The following CNTN5 variants were observed in gnomAD, a reference collection of about 807,000 sequenced individuals.
The protein encoded by CNTN5 is contactin-5.
In CNTN5, 77 loss-of-function variants were observed where a neutral mutation model predicts 129.1. That is an observed-to-expected ratio of 0.60 (90% CI 0.50 to 0.72). CNTN5 has a LOEUF of 0.72. Among genes scored for constraint, CNTN5 ranks in the 30% least tolerant of loss-of-function variants. The pLI is 0.00. For synonymous variants in CNTN5, 509 were observed against 465.6 expected, an observed-to-expected ratio of 1.09 and a Z score of -1.20; for missense variants, 1,478 against 1,328.8, an observed-to-expected ratio of 1.11 and a Z score of -1.75.
chr11:99,599,977 C>G (rs1950263745), intron 3 of CNTN5, among the ~76,000 whole-genome samples: 1 of 152,028 alleles, frequency 6.6e-6, no homozygotes, highest in South Asian at 2.1e-4. Flanking sequence ...AAAACCTTTC[C>G]TGATGACGGC....
intron 9 of CNTN5, among the ~76,000 whole-genome samples, chr11:100,049,453 G>T (rs1942848676): frequency 6.6e-6 from 1 of 152,022 alleles, no homozygotes; most frequent in African/African-American, 2.4e-5. Context: ...GAGGAAAAAA[G>T]ATATGAAAAC....
At chr11:99,841,334 C>T (rs1024936150) in intron 4 of CNTN5, among the ~76,000 whole-genome samples, 4 of 152,056 alleles carry the variant, frequency 2.6e-5, no homozygotes, top group African/African-American at 9.7e-5. Flanking sequence ...CCCAGCCGGA[C>T]CATATTTTAT....
intron 1 of CNTN5, among the ~76,000 whole-genome samples, chr11:99,223,589 G>T (rs564070852): frequency 1.3e-5 from 2 of 152,070 alleles, no homozygotes; most frequent in African/African-American, 4.8e-5. Flanking sequence ...AAAAGTTAAC[G>T]TTATCTTAAG....
intron 3 of CNTN5, among the ~76,000 whole-genome samples, chr11:99,739,359 T>C (rs1943818624): frequency 6.6e-6 from 1 of 152,272 alleles, no homozygotes; most frequent in East Asian, 1.9e-4. Flanking sequence ...ATCTAGCTTT[T>C]ACTTTAAAGA....
intron 2 of CNTN5, among the ~76,000 whole-genome samples, chr11:99,452,939 C>T (rs1591083684): frequency 6.6e-6 from 1 of 152,154 alleles, no homozygotes; most frequent in Non-Finnish European, 1.5e-5. Context: ...TAATTTTCCT[C>T]ATCTTATAAA....
At chr11:100,288,987 G>T (rs377484053) in intron 18 of CNTN5, among the ~76,000 whole-genome samples, 1 of 152,028 alleles carries the variant, frequency 6.6e-6, no homozygotes, top group South Asian at 2.1e-4. Context: ...ACACCTCTAC[G>T]CAAATAAACT....
chr11:99,591,658 T>C (rs907489160), intron 3 of CNTN5, among the ~76,000 whole-genome samples: 3 of 152,024 alleles, frequency 2.0e-5, no homozygotes, highest in African/African-American at 7.2e-5. Flanking sequence ...ACCTTTTTAT[T>C]TGGCAGCTGG....
intron 1 of CNTN5, among the ~76,000 whole-genome samples, chr11:99,025,917 G>C (rs1414636883): frequency 6.6e-6 from 1 of 151,440 alleles, no homozygotes; most frequent in African/African-American, 2.4e-5. Context: ...CAAGAATTTA[G>C]AACAACTATT....
chr11:99,654,275 G>T (rs1436222745), intron 3 of CNTN5, among the ~76,000 whole-genome samples: 1 of 152,060 alleles, frequency 6.6e-6, no homozygotes, highest in African/African-American at 2.4e-5. Context: ...AAAATATATG[G>T]TAGGCCAAAT....
chr11:100,338,282 A>G (rs181454983), intron 21 of CNTN5, among the ~76,000 whole-genome samples: 1 of 152,238 alleles, frequency 6.6e-6, no homozygotes, highest in East Asian at 1.9e-4. Context: ...TTGAGATCAG[A>G]GCCTATAATG....
rs562461648 is a variant in CNTN5 at position 99,719,085 on chromosome 11, G to A, written c.56-100459G>A. Reference sequence around the variant, plus strand: ...TGTAATTCCAGCACTTTGGGAGGCCGAAGCAGGTGGATCACTTGAGGCCAG... The same window carrying A: ...TGTAATTCCAGCACTTTGGGAGGCCAAAGCAGGTGGATCACTTGAGGCCAG... On this transcript the variant is annotated intron_variant, in intron 3 of 24. Coordinates refer to ENST00000524871, the MANE Select transcript of CNTN5 (RefSeq NM_014361.4). Among the ~76,000 whole-genome samples the A allele has an allele frequency of 3.3e-5, 5 of 152,038 alleles. No individual in the cohort carries two copies. The South Asian group carries it at 6.2e-4, about 19-fold the overall frequency.
At chr11:99,078,856 T>C (rs928945392) in intron 1 of CNTN5, among the ~76,000 whole-genome samples, 1 of 151,910 alleles carries the variant, frequency 6.6e-6, no homozygotes, top group Non-Finnish European at 1.5e-5. Context: ...ATAGTGAGAA[T>C]GAATAAGATC....
chr11:100,253,489 A>T (rs1489505215), intron 16 of CNTN5, among the ~76,000 whole-genome samples: 1 of 152,192 alleles, frequency 6.6e-6, no homozygotes, highest in Non-Finnish European at 1.5e-5. Context: ...CCTCCCAGTG[A>T]CGAAGAAGTA....
chr11:99,217,894 T>C (rs1860208515), intron 1 of CNTN5, among the ~76,000 whole-genome samples: 1 of 152,176 alleles, frequency 6.6e-6, no homozygotes, highest in Non-Finnish European at 1.5e-5. Flanking sequence ...TCATACATTT[T>C]TACATTTTAC....
At chr11:99,166,759 CTT>C (rs10700454) in intron 1 of CNTN5, among the ~76,000 whole-genome samples, 1 of 143,930 alleles carries the variant, frequency 6.9e-6, no homozygotes, top group African/African-American at 2.6e-5. Context: ...TTTCCTTTTT[CTT>C]TTTTTTTTTG....
At chr11:99,557,642 T>TAG (rs1333846482) in intron 3 of CNTN5, among the ~76,000 whole-genome samples, 5 of 151,782 alleles carry the variant, frequency 3.3e-5, no homozygotes, top group Non-Finnish European at 7.4e-5. Flanking sequence ...GGTTATTCTT[T>TAG]AGCCTTTATA....
At chr11:100,145,396 C>T (rs1172750509) in intron 13 of CNTN5, among the ~76,000 whole-genome samples, 1 of 152,092 alleles carries the variant, frequency 6.6e-6, no homozygotes, top group African/African-American at 2.4e-5. Flanking sequence ...GCTCATTGAT[C>T]ACTAATCTCT....
chr11:99,873,961 G>C (rs1182519454), intron 6 of CNTN5, among the ~76,000 whole-genome samples: 1 of 152,004 alleles, frequency 6.6e-6, no homozygotes, highest in African/African-American at 2.4e-5. Context: ...TAACTCTGAA[G>C]TAGCAAATCA....
intron 24 of CNTN5, 55 bp from the exon 25 acceptor site, chr11:100,356,062 C>A (rs955899663): frequency 8.2e-7 from 1 of 1,215,010 alleles, no homozygotes; most frequent in Admixed American, 1.9e-5. Flanking sequence ...CAATTCTGTC[C>A]TAGCTCAAGC....
Sources: allele counts gnomAD v4.1 joint callset (sites outside exome capture counted in the v4.1 genomes callset), GRCh38; gene constraint gnomAD v4.1.1; transcripts MANE v1.5; gene names NCBI Gene and HGNC (gene_info 2026-07-23, HGNC 2026-07-21).